FGD5: variants seen among roughly 807,000 people sequenced by gnomAD.
The protein encoded by FGD5 is FYVE, RhoGEF and PH domain containing 5.
A neutral mutation model predicts 133.4 loss-of-function variants in FGD5; 28 were observed. The ratio of observed to expected loss-of-function variants is 0.21; its 90% CI spans 0.16 to 0.29. The LOEUF (loss-of-function observed/expected upper bound fraction) is 0.29. Ranked by LOEUF, FGD5 falls within the 10% of genes least tolerant of loss-of-function variation. The pLI is 1.00. For missense variants in FGD5, 1,858 were observed against 1,895.2 expected, an observed-to-expected ratio of 0.98 and a Z score of 0.36; for synonymous variants, 810 against 776.5, an observed-to-expected ratio of 1.04 and a Z score of -0.72.
chr3:14,878,707 C>A (rs1052385960), intron 2 of FGD5, among the ~76,000 whole-genome samples: 1 of 150,350 alleles, frequency 6.7e-6, no homozygotes, highest in Non-Finnish European at 1.5e-5. Context: ...AGGAAACTGC[C>A]TAGTTCCAAA....
chr3:14,829,958 G>A (rs1478364799), intron 1 of FGD5, among the ~76,000 whole-genome samples: 2 of 152,080 alleles, frequency 1.3e-5, no homozygotes, highest in African/African-American at 4.8e-5. Flanking sequence ...ACACATCCTT[G>A]TAAAACCAAG....
Position 14,917,150 on chromosome 3 carries a change from G to A in FGD5, c.3406-99G>A, listed in dbSNP as rs2038572685. ...CTGTGGGGGTTACTGAGGAATACAAGATGCCTGTGCACAGCGGAGCTCAGG... is the reference window on the plus strand; with the variant it reads ...CTGTGGGGGTTACTGAGGAATACAAAATGCCTGTGCACAGCGGAGCTCAGG... On this transcript the variant is annotated intron_variant, in intron 11 of 19. Coordinates refer to ENST00000285046, the MANE Select transcript of FGD5 (RefSeq NM_152536.4). The surrounding 1 kb of genome is among the most constrained non-coding windows in gnomAD (Gnocchi z 4.1). 1.9e-6 allele frequency: 2 copies of A among 1,054,770 alleles called. No individual in the cohort carries two copies. Among genetic ancestry groups the A allele is most frequent in the Non-Finnish European group, 2.7e-6 (2 of 727,568 alleles). The allele number at this position is 1,054,770 out of a possible 1,614,324, so 65.3% of individuals were successfully genotyped here. A position where few individuals can be genotyped will look rare whatever the true frequency, so the allele number is the denominator to read the frequency against.
At chr3:14,826,237 C>G (rs1364094722) in intron 1 of FGD5, among the ~76,000 whole-genome samples, 1 of 152,160 alleles carries the variant, frequency 6.6e-6, no homozygotes, top group Non-Finnish European at 1.5e-5. Context: ...CTGGCTTTCT[C>G]TCTCTCTCAC....
chr3:14,852,436 C>CT (rs1285951872), intron 1 of FGD5, among the ~76,000 whole-genome samples: 1 of 152,150 alleles, frequency 6.6e-6, no homozygotes, highest in African/African-American at 2.4e-5. Context: ...GCTGAGAGGC[C>CT]TAGCAAGGAG....
At chr3:14,914,199 G>C (rs1347224137) in intron 11 of FGD5, among the ~76,000 whole-genome samples, 1 of 152,246 alleles carries the variant, frequency 6.6e-6, no homozygotes. Flanking sequence ...CACTTAGGAA[G>C]AATTTTTCTT....
At chr3:14,908,489 C>G (rs1466484146) in intron 10 of FGD5, among the ~76,000 whole-genome samples, 1 of 151,990 alleles carries the variant, frequency 6.6e-6, no homozygotes, top group Non-Finnish European at 1.5e-5. Flanking sequence ...TCTTGAGCAC[C>G]ATGATCCCAA....
intron 18 of FGD5, among the ~76,000 whole-genome samples, chr3:14,928,172 C>G (rs1453741965): frequency 6.6e-6 from 1 of 151,942 alleles, no homozygotes; most frequent in Non-Finnish European, 1.5e-5. Context: ...GATCTCTTGA[C>G]CTCATGATCC....
At chr3:14,932,979 A>G (rs145892278) in intron 19 of FGD5, among the ~76,000 whole-genome samples, 152 bp from the exon 20 acceptor site, 31 of 152,326 alleles carry the variant, frequency 2.0e-4, no homozygotes, top group Middle Eastern at 3.4e-3. Context: ...TTTGCTGAAT[A>G]TAGAAAACAT....
intron 10 of FGD5, among the ~76,000 whole-genome samples, chr3:14,909,221 G>T (rs909432686): frequency 1.3e-5 from 2 of 152,174 alleles, no homozygotes; most frequent in Admixed American, 1.3e-4. Flanking sequence ...GCCTGCCTCA[G>T]CCTCGCAAAG....
chr3:14,905,196 C>T (rs1356103922), intron 9 of FGD5, among the ~76,000 whole-genome samples: 1 of 152,184 alleles, frequency 6.6e-6, no homozygotes, highest in Non-Finnish European at 1.5e-5. Flanking sequence ...TTTGCTGCCA[C>T]TCCACTGTCT....
At chr3:14,830,146 T>C (rs1035527330) in intron 1 of FGD5, among the ~76,000 whole-genome samples, 3 of 152,232 alleles carry the variant, frequency 2.0e-5, no homozygotes, top group Non-Finnish European at 2.9e-5. Flanking sequence ...CTTCCTGTTA[T>C]TATGTTTTTG....
At chr3:14,826,405 C>G (rs1173335717) in intron 1 of FGD5, among the ~76,000 whole-genome samples, 1 of 152,104 alleles carries the variant, frequency 6.6e-6, no homozygotes, top group African/African-American at 2.4e-5. Context: ...ATGAGGACAC[C>G]GTGGCCCGAG....
intron 1 of FGD5, among the ~76,000 whole-genome samples, chr3:14,844,213 AAAAAATAT>A (rs1221761490): frequency 1.8e-4 from 6 of 32,610 alleles, no homozygotes; most frequent in Non-Finnish European, 3.6e-4. Context: ...TTAAAAAAAA[AAAAAATAT>A]ATATATATAT....
intron 1 of FGD5, among the ~76,000 whole-genome samples, chr3:14,837,722 G>C (rs1293637649): frequency 6.6e-6 from 1 of 152,058 alleles, no homozygotes; most frequent in Non-Finnish European, 1.5e-5. Context: ...TTGGGTTTTG[G>C]GCTTAGAGCC....
At chr3:14,844,544 G>T (rs901340158) in intron 1 of FGD5, among the ~76,000 whole-genome samples, 1 of 151,776 alleles carries the variant, frequency 6.6e-6, no homozygotes, top group Non-Finnish European at 1.5e-5. Flanking sequence ...CAAAGGAAGG[G>T]ATAGGGAGAA....
intron 4 of FGD5, among the ~76,000 whole-genome samples, chr3:14,892,827 AAAAAGAAAG>A (rs1214450460): frequency 3.5e-4 from 54 of 152,176 alleles, no homozygotes; most frequent in Admixed American, 2.7e-3. Context: ...CTCAAAAAAA[AAAAAGAAAG>A]AAAGAAAGAA....
intron 1 of FGD5, among the ~76,000 whole-genome samples, chr3:14,835,063 G>T (rs1345817352): frequency 6.6e-6 from 1 of 152,136 alleles, no homozygotes; most frequent in East Asian, 1.9e-4. Flanking sequence ...CCCAGAGCAG[G>T]CCCCACAAGG....
At chr3:14,826,581 T>C (rs901633895) in intron 1 of FGD5, among the ~76,000 whole-genome samples, 1 of 152,190 alleles carries the variant, frequency 6.6e-6, no homozygotes, top group Non-Finnish European at 1.5e-5. Flanking sequence ...TGCCTTGGAA[T>C]GTCATTAAGA....
intron 11 of FGD5, among the ~76,000 whole-genome samples, chr3:14,916,242 G>A (rs2038551518): frequency 6.6e-6 from 1 of 152,206 alleles, no homozygotes; most frequent in Non-Finnish European, 1.5e-5. Context: ...AGACTCAGCT[G>A]AGGAAAGGGC....
Sources: allele counts gnomAD v4.1 joint callset (sites outside exome capture counted in the v4.1 genomes callset), GRCh38; gene constraint gnomAD v4.1.1; non-coding constraint Gnocchi (gnomAD v3.1); transcripts MANE v1.5; gene names NCBI Gene and HGNC (gene_info 2026-07-23, HGNC 2026-07-21).